ANKRD54: variants seen among roughly 807,000 people sequenced by gnomAD.
ANKRD54 encodes ankyrin repeat domain-containing protein 54.
In ANKRD54, 26 loss-of-function variants were observed where a neutral mutation model predicts 36.2. The observed-to-expected ratio is 0.72, with a 90% CI of 0.53 to 1.00. The LOEUF (loss-of-function observed/expected upper bound fraction) is 1.00, where lower values mean the gene tolerates loss of function less well. Among genes scored for constraint, ANKRD54 ranks in the 50% least tolerant of loss-of-function variants. ANKRD54 has a pLI of 0.00. For missense variants in ANKRD54, 384 were observed against 424.3 expected, an observed-to-expected ratio of 0.91 and a Z score of 0.83; for synonymous variants, 209 against 188.4, an observed-to-expected ratio of 1.11 and a Z score of -0.89.
Position 37,844,078 on chromosome 22 carries a change from G to A in ANKRD54, c.161C>T (p.Ser54Leu), listed in dbSNP as rs763772358. ...SALGGGGAGL[S>L]GRASGGAQSP... ...CTGGGCCCCGCCGGACGCCCGGCCC[G>A]AGAGGCCCGCGCCGCCGCCGCCCAG... The change falls in exon 1 of 8, where the codon TCG (serine) becomes TTG (leucine). Residue 54 changes from serine (S) to leucine (L), a missense_variant. Around this residue, in one of 3 missense-constraint regions of ANKRD54, gnomAD observed 195 missense variants for 177.7 expected, o/e 1.10. Transcript: ENST00000215941. The A allele has an allele frequency of 3.1e-5, 44 of 1,442,292 alleles. No homozygotes were observed. Among genetic ancestry groups the A allele is most frequent in the Non-Finnish European group, 3.3e-5 (37 of 1,105,440 alleles). 89.3% of individuals were successfully genotyped at this position (1,442,292 alleles called of 1,614,324 possible).
upstream of ANKRD54, chr22:37,848,555 C>A (rs1374827056): frequency 6.6e-6 from 1 of 152,048 alleles, no homozygotes; most frequent in East Asian, 1.9e-4. Context: ...GCTACCACTC[C>A]CGGCTAATTT....
At position 37,840,800 on chromosome 22, in the gene ANKRD54, T is replaced by C. The variant is rs189261712; in HGVS notation, c.329-566A>G. The stretch of plus-strand genomic sequence containing the variant: ...TACTCTGGAGGCTGAGGTAGGAGAA[T>C]CACTTGAACCCAGGACATGGAGGTT... On this transcript the variant is annotated intron_variant, in intron 1 of 7. Transcript: ENST00000215941. 2.2e-3 allele frequency among the ~76,000 whole-genome samples: 335 copies of C among 151,018 alleles called. 2 individuals carry two copies. The highest frequency in any genetic ancestry group is 0.017 in the Middle Eastern group (5 of 288).
In ANKRD54 at chr22:37,833,221, C is replaced by T. The variant is rs766556154; in HGVS notation, c.548-15G>A. On this transcript the variant is annotated splice_polypyrimidine_tract_variant and intron_variant, in intron 4 of 7. Transcript: ENST00000215941. ...GGTGCAGGCCGCTGAGGAAGAACAA[C>T]AGAGACTTAAGAATCCAGGACCACC... is the stretch of plus-strand genomic sequence containing the variant. The T allele has an allele frequency of 2.5e-6, 4 of 1,613,008 alleles. No individual in the cohort carries two copies. The African/African-American group carries it at 4.0e-5, about 16-fold the overall frequency.
chr22:37,845,866 C>G (rs1431346835), upstream of ANKRD54, among the ~76,000 whole-genome samples: 1 of 150,708 alleles, frequency 6.6e-6, no homozygotes, highest in Non-Finnish European at 1.5e-5. Flanking sequence ...GAGACTCCAT[C>G]TCAGAAAGAA....
At chr22:37,844,388 C>A (rs941855306), upstream of ANKRD54, 3 of 798,688 alleles carry the variant, frequency 3.8e-6, no homozygotes, top group Non-Finnish European at 5.6e-6. Context: ...GGGCTCAGGC[C>A]GAGACAGAGC....
At chr22:37,846,970 CA>C (rs1414517541), upstream of ANKRD54, among the ~76,000 whole-genome samples, 8 of 151,092 alleles carry the variant, frequency 5.3e-5, no homozygotes, top group East Asian at 1.2e-3. Context: ...TCTCCTGCCT[CA>C]GCCTCCCAAG....
rs775305954 is a variant in ANKRD54 at position 37,832,684 on chromosome 22, G to C, written c.781C>G (p.Leu261Val). The C allele has an allele frequency of 1.2e-6, 2 of 1,614,126 alleles. No homozygotes were observed. The highest frequency in any genetic ancestry group is 3.3e-5 in the Admixed American group (2 of 60,016). The change falls in exon 7 of 8, where the codon CTG becomes GTG. Residue 261 changes from leucine (L) to valine (V), a missense_variant. Physicochemically the swap from Leu to Val is conservative, Grantham distance 32. This residue lies in a region of ANKRD54 where 179 missense variants were observed against 224.0 expected (regional missense o/e 0.80). Transcript: ENST00000215941. The stretch of plus-strand genomic sequence containing the variant: ...TGCAGGCGGGTGCAGAGGTCATCCA[G>C]GCGTTCTCGCTGCTCATGTTGCCCT... The part of the protein sequence containing the change: ...RLGQHEQRER[L>V]DDLCTRLQMT...
upstream of ANKRD54, among the ~76,000 whole-genome samples, chr22:37,844,941 G>A (rs1924746983): frequency 6.7e-6 from 1 of 148,314 alleles, no homozygotes; most frequent in African/African-American, 2.5e-5. Context: ...ATCAGATTAA[G>A]ATGATTTGCA....
At chr22:37,834,628 G>T (rs1365196474) in intron 3 of ANKRD54, 1 of 145,148 alleles carries the variant, frequency 6.9e-6, no homozygotes, top group African/African-American at 2.6e-5. Flanking sequence ...AGCCCAGAAG[G>T]TCGAGGTTGC....
At chr22:37,845,919 A>C (rs1193657574), upstream of ANKRD54, among the ~76,000 whole-genome samples, 2 of 152,064 alleles carry the variant, frequency 1.3e-5, no homozygotes, top group Non-Finnish European at 2.9e-5. Context: ...TCACGCCTGT[A>C]ATCCCAGCAT....
chr22:37,844,420 C>A, upstream of ANKRD54: 1 of 567,790 alleles, frequency 1.8e-6, no homozygotes, highest in Non-Finnish European at 3.0e-6. Flanking sequence ...GACTACCCTT[C>A]CAGCTTAAAC....
intron 1 of ANKRD54, among the ~76,000 whole-genome samples, 176 bp from the exon 2 acceptor site, chr22:37,840,410 T>C (rs1212177114): frequency 3.9e-5 from 6 of 151,944 alleles, no homozygotes; most frequent in African/African-American, 1.4e-4. Context: ...TACAAAAAAA[T>C]TAGCCGGGCG....
rs908264166 is a variant in ANKRD54 at position 37,831,391 on chromosome 22, T to A, written c.*552A>T. 1 of 154,372 alleles carries A rather than the reference T, an allele frequency of 6.5e-6. No homozygotes were observed. Among genetic ancestry groups the A allele is most frequent in the African/African-American group, 2.4e-5 (1 of 41,506 alleles). The allele number at this position is 154,372 out of a possible 1,614,324, so 9.6% of individuals were successfully genotyped here. A position where few individuals can be genotyped will look rare whatever the true frequency, so the allele number is the denominator to read the frequency against. ...CTCTTAACCTTGTATTTTTAAGGTC[T>A]GGGACTCACCAACCCTCCCCTTCCA... On this transcript the variant is annotated 3_prime_UTR_variant, in exon 8 of 8. Transcript: ENST00000215941.
chr22:37,844,378 G>A, upstream of ANKRD54: 11 of 947,254 alleles, frequency 1.2e-5, no homozygotes, highest in East Asian at 3.0e-4. Context: ...GAGCGGGGGC[G>A]GGCTCAGGCC....
chr22:37,831,827 C>T lies in ANKRD54; in HGVS notation c.*116G>A, dbSNP rs1207187894. 2 of 1,110,314 alleles carry T rather than the reference C, an allele frequency of 1.8e-6. No individual in the cohort carries two copies. The highest frequency in any genetic ancestry group is 1.5e-5 in the African/African-American group (1 of 64,776). The allele number at this position is 1,110,314 out of a possible 1,614,324, so 68.8% of individuals were successfully genotyped here. A position where few individuals can be genotyped will look rare whatever the true frequency, so the allele number is the denominator to read the frequency against. On this transcript the variant is annotated 3_prime_UTR_variant, in exon 8 of 8. Coordinates refer to ENST00000215941, the MANE Select transcript of ANKRD54 (RefSeq NM_138797.4). ...GCCCCACGGCATCTGCGGGTGAGGG[C>T]AAGGTCCTCACCAGACAAGTGCAGC...
intron 4 of ANKRD54, 88 bp downstream of exon 4, chr22:37,833,596 C>T: frequency 1.4e-6 from 2 of 1,408,942 alleles, no homozygotes; most frequent in Admixed American, 1.8e-5. Context: ...ACAGTTTCTG[C>T]CAGGAGCATG....
rs372830027 is a variant in ANKRD54 at position 37,836,124 on chromosome 22, G to A, written c.476-2369C>T. On this transcript the variant is annotated intron_variant, in intron 3 of 7. Transcript: ENST00000215941. Reference sequence around the variant, plus strand: ...GCTGGGATTACAGGCGTGAGATACCGCGCCCAGGCAAAACTTGTTTTTAAA... The same window carrying A: ...GCTGGGATTACAGGCGTGAGATACCACGCCCAGGCAAAACTTGTTTTTAAA... Among the ~76,000 whole-genome samples, 43 of 149,478 alleles carry A rather than the reference G, an allele frequency of 2.9e-4. 1 individual carries two copies. In the East Asian group the frequency reaches 4.0e-3, roughly 14 times the overall value.
upstream of ANKRD54, chr22:37,847,765 A>G (rs779575348): frequency 2.3e-6 from 1 of 433,774 alleles, no homozygotes; most frequent in South Asian, 1.8e-5. Flanking sequence ...AACCAAATCG[A>G]GGGTCGGTAA....
intron 3 of ANKRD54, among the ~76,000 whole-genome samples, chr22:37,835,413 A>T (rs982553208): frequency 1.8e-4 from 28 of 152,310 alleles, no homozygotes; most frequent in African/African-American, 6.7e-4. Flanking sequence ...TGTTCATCAA[A>T]GTATACCACT....
Sources: allele counts gnomAD v4.1 joint callset (sites outside exome capture counted in the v4.1 genomes callset), GRCh38; gene constraint gnomAD v4.1.1; regional missense constraint gnomAD v4.1.1; transcripts MANE v1.5; gene names NCBI Gene and HGNC (gene_info 2026-07-23, HGNC 2026-07-21).